The following BCAT1 variants were observed in gnomAD, a reference collection of about 807,000 sequenced individuals.
BCAT1 encodes branched chain amino acid transaminase 1.
In BCAT1, 48 loss-of-function variants were observed where a neutral mutation model predicts 52.4. The ratio of observed to expected loss-of-function variants is 0.92; its 90% CI spans 0.73 to 1.16. The LOEUF (loss-of-function observed/expected upper bound fraction) is 1.16, where lower values mean the gene tolerates loss of function less well. Among genes scored for constraint, BCAT1 ranks in the 50% most tolerant of loss-of-function variants. BCAT1 has a pLI of 0.00. For synonymous variants in BCAT1, 167 were observed against 161.3 expected, an observed-to-expected ratio of 1.04 and a Z score of -0.27; for missense variants, 451 against 457.1, an observed-to-expected ratio of 0.99 and a Z score of 0.12.
At chr12:24,935,335 C>T (rs367673096) in intron 1 of BCAT1, among the ~76,000 whole-genome samples, 2 of 152,184 alleles carry the variant, frequency 1.3e-5, no homozygotes. Flanking sequence ...GGTCAGAGAG[C>T]TTAGGTGGCC....
intron 10 of BCAT1, among the ~76,000 whole-genome samples, chr12:24,826,189 G>A (rs11047662): frequency 0.14 from 21,294 of 152,188 alleles, 1,892 homozygotes; most frequent in Middle Eastern, 0.23. Context: ...TCCAGCCTGA[G>A]TGACAGAATG....
At chr12:24,858,915 T>A (rs746644561) in intron 5 of BCAT1, among the ~76,000 whole-genome samples, 1 of 152,240 alleles carries the variant, frequency 6.6e-6, no homozygotes, top group African/African-American at 2.4e-5. Flanking sequence ...TGAAAATTAA[T>A]CTTGTAAAAG....
intron 1 of BCAT1, among the ~76,000 whole-genome samples, chr12:24,906,652 G>A (rs776952121): frequency 1.3e-5 from 2 of 152,150 alleles, no homozygotes; most frequent in Non-Finnish European, 2.9e-5. Flanking sequence ...AACGGGCATG[G>A]CTCTGTTTCC....
At chr12:24,917,245 C>T (rs989321728) in intron 1 of BCAT1, among the ~76,000 whole-genome samples, 8 of 131,230 alleles carry the variant, frequency 6.1e-5, no homozygotes, top group Non-Finnish European at 1.2e-4. Flanking sequence ...GTGGCGCGAT[C>T]TCGGCTCACT....
chr12:24,860,015 A>G (rs1941810887), intron 5 of BCAT1, among the ~76,000 whole-genome samples: 1 of 152,210 alleles, frequency 6.6e-6, no homozygotes, highest in Non-Finnish European at 1.5e-5. Flanking sequence ...TAATAATTAT[A>G]ACTGTTATGT....
chr12:24,837,632 G>A (rs911918094), intron 7 of BCAT1, among the ~76,000 whole-genome samples: 3 of 151,814 alleles, frequency 2.0e-5, no homozygotes, highest in Non-Finnish European at 4.4e-5. Context: ...TCACCATGTT[G>A]GTCAGGCTGG....
At chr12:24,903,134 A>T in intron 1 of BCAT1, 1 of 1,316,472 alleles carries the variant, frequency 7.6e-7, no homozygotes, top group Non-Finnish European at 9.6e-7. Context: ...CGCCAGGGCC[A>T]GGCGCAGGGT....
rs117994593 is a variant in BCAT1, at chr12:24,895,912, A to C, written c.79-1437T>G. 1.3e-3 allele frequency among the ~76,000 whole-genome samples: 195 copies of C among 152,368 alleles called. 1 individual carries two copies. The East Asian group carries it at 0.031, about 24-fold the overall frequency. On this transcript the variant is annotated intron_variant, in intron 2 of 10. Transcript: ENST00000261192. ...CAGTGACACAAAAGGCATTAAGGACAGAATATTACTGTAATGTTCAGGCTA... is the reference window on the plus strand; with the variant it reads ...CAGTGACACAAAAGGCATTAAGGACCGAATATTACTGTAATGTTCAGGCTA...
chr12:24,929,815 G>C (rs1376520803), intron 1 of BCAT1, among the ~76,000 whole-genome samples: 1 of 152,068 alleles, frequency 6.6e-6, no homozygotes, highest in African/African-American at 2.4e-5. Context: ...TCAATCATCT[G>C]GCCTTTCTTT....
intron 2 of BCAT1, among the ~76,000 whole-genome samples, chr12:24,897,285 A>ACCC (rs1364573591): frequency 6.6e-6 from 1 of 152,218 alleles, no homozygotes; most frequent in Non-Finnish European, 1.5e-5. Context: ...ACCCACAATA[A>ACCC]CCCACTAATC....
chr12:24,830,963 C>T (rs986478999), intron 9 of BCAT1, among the ~76,000 whole-genome samples: 1 of 152,202 alleles, frequency 6.6e-6, no homozygotes, highest in Admixed American at 6.5e-5. Flanking sequence ...GGGAAAATAA[C>T]TCTAAAGTAA....
At chr12:24,839,075 C>T (rs943023038) in intron 7 of BCAT1, among the ~76,000 whole-genome samples, 1 of 152,168 alleles carries the variant, frequency 6.6e-6, no homozygotes, top group Non-Finnish European at 1.5e-5. Flanking sequence ...GACATATCTC[C>T]CTGCTTACTT....
intron 1 of BCAT1, among the ~76,000 whole-genome samples, chr12:24,908,680 G>A (rs11047701): frequency 0.14 from 21,651 of 152,076 alleles, 2,224 homozygotes; most frequent in African/African-American, 0.29. Context: ...GGTGGAGGTT[G>A]CAGTGAGCCA....
intron 1 of BCAT1, chr12:24,902,400 A>C: frequency 1.8e-6 from 2 of 1,101,986 alleles, no homozygotes; most frequent in Non-Finnish European, 2.2e-6. Flanking sequence ...CACACCTTAA[A>C]CCTCATGGTA....
At chr12:24,847,739 G>T (rs188457083) in intron 6 of BCAT1, among the ~76,000 whole-genome samples, 1 of 152,180 alleles carries the variant, frequency 6.6e-6, no homozygotes, top group African/African-American at 2.4e-5. Context: ...AAGCTTGGCT[G>T]CATGCTAAAG....
chr12:24,949,080 T>A lies in BCAT1; in HGVS notation c.-148A>T, dbSNP rs1345118338. ...GGGCAGTGCCCGAGGCGGCGGCGAG[T>A]ACACGTGGCGGGCTGGATTGCAGAC... On this transcript the variant is annotated 5_prime_UTR_variant, in exon 1 of 11. Coordinates refer to ENST00000261192, the MANE Select transcript of BCAT1 (RefSeq NM_005504.7). The A allele has an allele frequency of 5.5e-6, 4 of 724,444 alleles. No individual in the cohort carries two copies. Among genetic ancestry groups the A allele is most frequent in the Non-Finnish European group, 9.1e-6 (4 of 440,976 alleles). 44.9% of individuals were successfully genotyped at this position (724,444 alleles called of 1,614,324 possible).
chr12:24,874,596 A>G (rs1281100562), intron 5 of BCAT1, among the ~76,000 whole-genome samples: 1 of 152,238 alleles, frequency 6.6e-6, no homozygotes, highest in East Asian at 1.9e-4. Flanking sequence ...TTCAGCTTTC[A>G]ATGACTTAAA....
In BCAT1 at chr12:24,933,644, T is replaced by C. The variant is rs143941349; in HGVS notation, c.6+15283A>G. ...GAGTGAGTTCTCACTTAAGTGGCTA[T>C]GTTTTCTGGGGTATATACCCCAGGT... On this transcript the variant is annotated intron_variant, in intron 1 of 10. Coordinates refer to ENST00000261192, the MANE Select transcript of BCAT1 (RefSeq NM_005504.7). 4.4e-3 allele frequency among the ~76,000 whole-genome samples: 670 copies of C among 152,218 alleles called. 4 individuals are homozygous for C. Among genetic ancestry groups the C allele is most frequent in the African/African-American group, 0.015 (643 of 41,518 alleles).
Position 24,851,362 on chromosome 12 carries a change from A to G in BCAT1, c.511-1413T>C, listed in dbSNP as rs547812658. On this transcript the variant is annotated intron_variant, in intron 5 of 10. Coordinates refer to ENST00000261192, the MANE Select transcript of BCAT1 (RefSeq NM_005504.7). ...GAGGGATATTTTTATCTGAACTTCA[A>G]TTAAACTTCCCCTTACTACCCATTG... Among the ~76,000 whole-genome samples, 46 of 152,278 alleles carry G rather than the reference A, an allele frequency of 3.0e-4. No homozygotes were observed. In the South Asian group the frequency reaches 9.3e-3, roughly 31 times the overall value.
Sources: allele counts gnomAD v4.1 joint callset (sites outside exome capture counted in the v4.1 genomes callset), GRCh38; gene constraint gnomAD v4.1.1; transcripts MANE v1.5; gene names NCBI Gene and HGNC (gene_info 2026-07-23, HGNC 2026-07-21).